The following FKBP6 variants were observed in gnomAD, a reference collection of about 807,000 sequenced individuals.
FKBP6 encodes the protein FKBP prolyl isomerase family member 6 (inactive).
A neutral mutation model predicts 41.7 loss-of-function variants in FKBP6; 29 were observed. The ratio of observed to expected loss-of-function variants is 0.70; its 90% CI spans 0.52 to 0.95. The LOEUF is 0.95. FKBP6 is among the 40% of genes least tolerant of loss of function. FKBP6 has a pLI of 0.00. For synonymous variants in FKBP6, 130 were observed against 165.1 expected (o/e 0.79, Z 1.63); for missense variants, 338 against 408.7 (o/e 0.83, Z 1.49).
chr7:73,341,379 C>G lies in FKBP6; in HGVS notation c.890C>G (p.Ala297Gly). Residue 297 changes from alanine to glycine, a missense_variant, in exon 7 of 9, where the codon GCT becomes GGT. Physicochemically the swap from Ala to Gly is moderately conservative, Grantham distance 60 (BLOSUM62 0). Transcript: ENST00000252037. ...HDINNELKKLASCYRDYVDKE... is the reference protein window; with the variant it reads ...HDINNELKKLGSCYRDYVDKE... ...ATCAATAATGAGCTGAAGAAACTGG[C>G]TAGGTGAGCTGTGTTTGCAGGAGCA... 6.3e-7 allele frequency: 1 copy of G among 1,580,928 alleles called. No homozygotes were observed. Among genetic ancestry groups the G allele is most frequent in the Non-Finnish European group, 8.7e-7 (1 of 1,149,800 alleles).
At chr7:73,330,820 T>C (rs1200462821) in intron 4 of FKBP6, among the ~76,000 whole-genome samples, 1 of 152,198 alleles carries the variant, frequency 6.6e-6, no homozygotes, top group Non-Finnish European at 1.5e-5. Context: ...AACTGGGATG[T>C]ATGGCCACTG....
At chr7:73,332,449 G>A (rs1398436165) in intron 5 of FKBP6, among the ~76,000 whole-genome samples, 2 of 150,404 alleles carry the variant, frequency 1.3e-5, no homozygotes, top group Non-Finnish European at 3.0e-5. Flanking sequence ...AGATTGTGCC[G>A]TTGCATTCCA....
At chr7:73,331,840 CAG>C in intron 5 of FKBP6, 64 bp downstream of exon 5, 2 of 1,523,594 alleles carry the variant, frequency 1.3e-6, no homozygotes, top group Non-Finnish European at 1.8e-6. Context: ...TTAAAAAACA[CAG>C]ATTTTGTTTT....
At chr7:73,331,822 T>C in intron 5 of FKBP6, 46 bp downstream of exon 5, 2 of 1,583,506 alleles carry the variant, frequency 1.3e-6, no homozygotes, top group Non-Finnish European at 1.7e-6. Flanking sequence ...TCCTGAAAAC[T>C]TCCTTGTTTA....
At chr7:73,352,711 T>C (rs2115971801) in intron 8 of FKBP6, among the ~76,000 whole-genome samples, 1 of 152,240 alleles carries the variant, frequency 6.6e-6, no homozygotes. Context: ...TCAAATCTAA[T>C]AGATAAGTGA....
Position 73,330,208 on chromosome 7 carries a change from C to A in FKBP6, c.324C>A (p.Ala108=). 3.1e-6 allele frequency: 5 copies of A among 1,613,982 alleles called. No individual in the cohort carries two copies. Among genetic ancestry groups the A allele is most frequent in the Non-Finnish European group, 4.2e-6 (5 of 1,179,898 alleles). Reference sequence around the variant, plus strand: ...TGAGCATGCGGAGAGGAGAGCTGGCCAGGTTTCTGTTCAAACCGAACTACG... The same window carrying A: ...TGAGCATGCGGAGAGGAGAGCTGGCAAGGTTTCTGTTCAAACCGAACTACG... ...GLLSMRRGEL[A]RFLFKPNYAY... Residue 108 remains alanine (A), a synonymous_variant, in exon 4 of 9, where the codon GCC becomes GCA. Transcript: ENST00000252037.
intron 5 of FKBP6, among the ~76,000 whole-genome samples, chr7:73,334,898 A>G (rs1168701501): frequency 6.6e-6 from 1 of 152,128 alleles, no homozygotes. Flanking sequence ...ATATTTTCAG[A>G]TACCCAGTTC....
chr7:73,349,039 A>G (rs1252702063), intron 8 of FKBP6, among the ~76,000 whole-genome samples: 1 of 152,050 alleles, frequency 6.6e-6, no homozygotes, highest in African/African-American at 2.4e-5. Flanking sequence ...TGAAAAGTCA[A>G]GGCTGCAGTG....
intron 6 of FKBP6, 85 bp downstream of exon 6, chr7:73,340,917 CTT>C (rs368227645): frequency 0.058 from 26,479 of 458,014 alleles, no homozygotes; most frequent in Middle Eastern, 0.075. Flanking sequence ...AAAATGCTGT[CTT>C]TTTTTTTTTT....
At chr7:73,339,788 T>C (rs1023234110) in intron 5 of FKBP6, among the ~76,000 whole-genome samples, 49 of 152,182 alleles carry the variant, frequency 3.2e-4, no homozygotes, top group African/African-American at 1.1e-3. Context: ...TGATTTCGTA[T>C]TTTTAGTAGA....
intron 8 of FKBP6, among the ~76,000 whole-genome samples, chr7:73,352,972 C>T (rs1805531067): frequency 6.6e-6 from 1 of 152,258 alleles, no homozygotes; most frequent in Non-Finnish European, 1.5e-5. Flanking sequence ...GCACTAACTT[C>T]CTTTTGCTTC....
At chr7:73,349,485 C>T (rs1805424844) in intron 8 of FKBP6, among the ~76,000 whole-genome samples, 1 of 145,400 alleles carries the variant, frequency 6.9e-6, no homozygotes, top group East Asian at 2.0e-4. Flanking sequence ...AGGCGGATCA[C>T]GAGGTCAGAA....
intron 5 of FKBP6, among the ~76,000 whole-genome samples, chr7:73,332,508 T>A (rs1438751477): frequency 6.8e-6 from 1 of 148,106 alleles, no homozygotes; most frequent in Non-Finnish European, 1.5e-5. Context: ...AAAAAAAAAA[T>A]CCTCATGCCA....
chr7:73,355,296 G>A (rs372801715), intron 8 of FKBP6, among the ~76,000 whole-genome samples: 2 of 152,166 alleles, frequency 1.3e-5, no homozygotes, highest in African/African-American at 2.4e-5. Context: ...CTTGAGCCAC[G>A]GATACAGCTT....
chr7:73,335,415 G>A (rs971379520), intron 5 of FKBP6, among the ~76,000 whole-genome samples: 3 of 152,184 alleles, frequency 2.0e-5, no homozygotes, highest in Admixed American at 6.5e-5. Flanking sequence ...CCAAGGGACC[G>A]GCATTCTGGG....
intron 8 of FKBP6, among the ~76,000 whole-genome samples, chr7:73,351,165 C>T (rs1369025708): frequency 1.3e-5 from 2 of 152,040 alleles, no homozygotes; most frequent in African/African-American, 2.4e-5. Context: ...CTGCAACGTT[C>T]GCCACAGACA....
Position 73,358,516 on chromosome 7 carries a change from C to T in FKBP6, c.*338C>T, listed in dbSNP as rs1805700464. 1 of 152,646 alleles carries T rather than the reference C, an allele frequency of 6.6e-6. No homozygotes were observed. Among genetic ancestry groups the T allele is most frequent in the Non-Finnish European group, 1.5e-5 (1 of 68,036 alleles). The allele number at this position is 152,646 out of a possible 1,614,324, so 9.5% of individuals were successfully genotyped here. ...CCGGCTGCGAATGTCCCTGAGTCAA[C>T]ACCAATAGAGATTGCTTTGTGTATT... On this transcript the variant is annotated 3_prime_UTR_variant, in exon 9 of 9. Coordinates refer to ENST00000252037, the MANE Select transcript of FKBP6 (RefSeq NM_003602.5).
intron 8 of FKBP6, among the ~76,000 whole-genome samples, chr7:73,343,482 G>A (rs964645739): frequency 2.6e-5 from 4 of 152,092 alleles, no homozygotes; most frequent in African/African-American, 7.2e-5. Context: ...CTGAGAACTC[G>A]AAAGCCTCCA....
chr7:73,348,441 A>G (rs1805396531), intron 8 of FKBP6, among the ~76,000 whole-genome samples: 1 of 152,226 alleles, frequency 6.6e-6, no homozygotes, highest in Admixed American at 6.5e-5. Flanking sequence ...CCTGTATAGC[A>G]GGGAAGCCTA....
Sources: gnomAD v4.1 joint callset for allele counts (sites outside exome capture counted in the v4.1 genomes callset) on GRCh38, gnomAD v4.1.1 for gene constraint, MANE v1.5 for transcripts, NCBI Gene and HGNC (gene_info 2026-07-23, HGNC 2026-07-21) for gene names.